LIMCH1: variants seen among roughly 807,000 people sequenced by gnomAD.
LIMCH1 encodes LIM and calponin homology domains 1.
LIMCH1 carries 113 observed loss-of-function variants against 176.5 expected under a neutral mutation model. That is an observed-to-expected ratio of 0.64 (90% CI 0.55 to 0.75). The LOEUF (loss-of-function observed/expected upper bound fraction) is 0.75. Ranked by LOEUF, LIMCH1 falls within the 30% of genes least tolerant of loss-of-function variation. The probability of loss-of-function intolerance (pLI) is 0.00; values close to 1 mark genes in which losing one functional copy is unlikely to be tolerated. For synonymous variants in LIMCH1, 619 were observed against 645.9 expected (o/e 0.96, Z 0.63); for missense variants, 1,674 against 1,814.9 (o/e 0.92, Z 1.41).
At chr4:41,431,140 G>A (rs1426096628) in intron 1 of LIMCH1, among the ~76,000 whole-genome samples, 1 of 152,128 alleles carries the variant, frequency 6.6e-6, no homozygotes, top group African/African-American at 2.4e-5. Context: ...CTTCCTAGTG[G>A]GTTATGGGTT....
At chr4:41,655,312 G>T (rs949017645) in intron 18 of LIMCH1, among the ~76,000 whole-genome samples, 1 of 152,184 alleles carries the variant, frequency 6.6e-6, no homozygotes, top group African/African-American at 2.4e-5. Context: ...GATGGTTATT[G>T]TGAGAATTCA....
intron 1 of LIMCH1, among the ~76,000 whole-genome samples, chr4:41,474,643 A>G (rs903116070): frequency 6.6e-6 from 1 of 152,252 alleles, no homozygotes; most frequent in African/African-American, 2.4e-5. Context: ...CACACCTGTT[A>G]GATTGGCTAT....
intron 1 of LIMCH1, among the ~76,000 whole-genome samples, chr4:41,443,401 T>G (rs2062926501): frequency 6.6e-6 from 1 of 152,216 alleles, no homozygotes; most frequent in Non-Finnish European, 1.5e-5. Context: ...TAACAACATT[T>G]GATTATGGTA....
At chr4:41,586,086 C>T (rs1174843435) in intron 1 of LIMCH1, among the ~76,000 whole-genome samples, 1 of 132,382 alleles carries the variant, frequency 7.6e-6, no homozygotes, top group African/African-American at 2.9e-5. Flanking sequence ...CTCTCCTCCC[C>T]TCCCCTCCAC....
rs2090305018 is a variant in LIMCH1 at position 41,603,735 on chromosome 4, C to A, written c.-133-140C>A. 34 of 573,472 alleles carry A rather than the reference C, an allele frequency of 5.9e-5. No individual in the cohort carries two copies. The East Asian group carries it at 9.6e-4, about 16-fold the overall frequency. The allele number at this position is 573,472 out of a possible 1,614,324, so 35.5% of individuals were successfully genotyped here. A position where few individuals can be genotyped will look rare whatever the true frequency, so the allele number is the denominator to read the frequency against. The stretch of plus-strand genomic sequence containing the variant: ...TTATTCAGTGCCCGAAATCACAAAA[C>A]TTAAGCCTTAAAAAATAATACATTC... On this transcript the variant is annotated intron_variant, in intron 2 of 31. Coordinates refer to ENST00000503057, the MANE Select transcript of LIMCH1 (RefSeq NM_001330672.2).
At chr4:41,577,792 C>T (rs187333831) in intron 1 of LIMCH1, among the ~76,000 whole-genome samples, 25 of 152,304 alleles carry the variant, frequency 1.6e-4, no homozygotes, top group African/African-American at 6.0e-4. Flanking sequence ...CAGGATTAAA[C>T]TTCTTCAAAT....
chr4:41,627,305 A>C (rs921752236), intron 8 of LIMCH1, among the ~76,000 whole-genome samples: 7 of 151,734 alleles, frequency 4.6e-5, no homozygotes, highest in African/African-American at 1.7e-4. Context: ...ATCAGGGCTC[A>C]TCACCACATA....
chr4:41,685,208 T>C (rs1340685842), intron 27 of LIMCH1, among the ~76,000 whole-genome samples: 1 of 152,230 alleles, frequency 6.6e-6, no homozygotes, highest in Admixed American at 6.5e-5. Context: ...TTAAATTTTT[T>C]AGCTTGTTGT....
At chr4:41,606,468 A>G (rs183560182) in intron 4 of LIMCH1, among the ~76,000 whole-genome samples, 22 of 152,330 alleles carry the variant, frequency 1.4e-4, no homozygotes, top group African/African-American at 5.3e-4. Flanking sequence ...CGCTCTGGAC[A>G]AGGCGGGATA....
intron 1 of LIMCH1, among the ~76,000 whole-genome samples, chr4:41,595,782 A>G (rs28673470): frequency 0.086 from 13,036 of 152,026 alleles, 1,808 homozygotes; most frequent in African/African-American, 0.3. Flanking sequence ...CATCAACTGG[A>G]CATGGTGGCT....
intron 9 of LIMCH1, among the ~76,000 whole-genome samples, chr4:41,630,742 C>T (rs1021823067): frequency 2.3e-4 from 35 of 152,302 alleles, no homozygotes; most frequent in Admixed American, 1.4e-3. Flanking sequence ...TACCAAAATT[C>T]TTAGAGGCTC....
intron 1 of LIMCH1, among the ~76,000 whole-genome samples, chr4:41,389,868 C>T (rs985973121): frequency 2.0e-5 from 3 of 152,226 alleles, no homozygotes; most frequent in Non-Finnish European, 4.4e-5. Flanking sequence ...CCAAGACAGA[C>T]GTAGTCAATA....
chr4:41,583,415 C>T (rs1187426679), intron 1 of LIMCH1, among the ~76,000 whole-genome samples: 1 of 152,106 alleles, frequency 6.6e-6, no homozygotes, highest in Non-Finnish European at 1.5e-5. Flanking sequence ...TGTGTTAACT[C>T]GTTTTAGTTG....
chr4:41,684,459 A>G lies in LIMCH1; in HGVS notation c.3908A>G (p.His1303Arg), dbSNP rs776594738. 2 of 1,613,826 alleles carry G rather than the reference A, an allele frequency of 1.2e-6. No homozygotes were observed. The highest frequency in any genetic ancestry group is 3.3e-4 in the Middle Eastern group (2 of 6,054). ...NPVSKGVHED[H>R]QLDTEAGAPH... is the part of the protein sequence containing the mutation. ...GTATCAAAAGGAGTCCATGAAGACC[A>G]TCAGCTGGATACCGAGGCTGGGGCC... The change falls in exon 27 of 32, where the codon CAT becomes CGT. Residue 1303 changes from histidine to arginine, a missense_variant. By Grantham distance (29) the His-to-Arg change is conservative (BLOSUM62 0). Transcript: ENST00000503057.
chr4:41,604,145 G>A (rs1198232618), intron 3 of LIMCH1: 1 of 926,658 alleles, frequency 1.1e-6, no homozygotes, highest in Non-Finnish European at 1.3e-6. Context: ...ACAAGTGAAA[G>A]CTTGTACTCT....
rs1227278915 is a variant in LIMCH1, at chr4:41,619,949, C to A, written c.459-475C>A. The A allele has an allele frequency of 6.6e-5, 12 of 181,876 alleles. No homozygotes were observed. In the East Asian group the frequency reaches 1.6e-3, roughly 25 times the overall value. 11.3% of individuals were successfully genotyped at this position (181,876 alleles called of 1,614,324 possible). On this transcript the variant is annotated intron_variant, in intron 6 of 31. Coordinates refer to ENST00000503057, the MANE Select transcript of LIMCH1 (RefSeq NM_001330672.2). ...CTCTTTAGAGAAACAGTGTTTTAAT[C>A]TCTGATTATGCTTTTGTATTTATTT... is the stretch of plus-strand genomic sequence containing the variant.
chr4:41,492,398 A>G (rs1314705693), intron 1 of LIMCH1, among the ~76,000 whole-genome samples: 1 of 150,544 alleles, frequency 6.6e-6, no homozygotes, highest in Non-Finnish European at 1.5e-5. Context: ...GAGACCGTAG[A>G]AAGAGGGAGA....
chr4:41,498,904 T>A (rs1405834017), intron 2 of LIMCH1, among the ~76,000 whole-genome samples: 2 of 151,992 alleles, frequency 1.3e-5, no homozygotes, highest in Non-Finnish European at 2.9e-5. Flanking sequence ...GCCTTCTTGC[T>A]AAGAATGTGT....
chr4:41,555,667 T>A (rs1316798232), intron 1 of LIMCH1, among the ~76,000 whole-genome samples: 1 of 152,082 alleles, frequency 6.6e-6, no homozygotes, highest in Non-Finnish European at 1.5e-5. Flanking sequence ...AAACAAGAAT[T>A]TTTTTTTCTT....
Sources: gnomAD v4.1 joint callset for allele counts (sites outside exome capture counted in the v4.1 genomes callset) on GRCh38, gnomAD v4.1.1 for gene constraint, MANE v1.5 for transcripts, NCBI Gene and HGNC (gene_info 2026-07-23, HGNC 2026-07-21) for gene names.